Variants in ESR1 observed in about 807,000 individuals in gnomAD.
The protein encoded by ESR1 is estrogen receptor 1.
ESR1 carries 12 observed loss-of-function variants against 52.7 expected under a neutral mutation model. The ratio of observed to expected loss-of-function variants is 0.23; its 90% CI spans 0.15 to 0.37. The LOEUF is 0.37. Ranked by LOEUF, ESR1 falls within the 10% of genes least tolerant of loss-of-function variation. The pLI is 1.00. For synonymous variants in ESR1, 305 were observed against 316.8 expected (o/e 0.96, Z 0.39); for missense variants, 584 against 779.7 (o/e 0.75, Z 2.99).
At chr6:152,060,127 A>C (rs1024807252) in intron 5 of ESR1, among the ~76,000 whole-genome samples, 6 of 152,168 alleles carry the variant, frequency 3.9e-5, no homozygotes, top group African/African-American at 1.4e-4. Flanking sequence ...ATTCTTCAAC[A>C]ACCCAATAAA....
intron 4 of ESR1, among the ~76,000 whole-genome samples, chr6:151,961,595 GAGGAGGAC>G (rs1290607894): frequency 6.6e-6 from 1 of 152,154 alleles, no homozygotes; most frequent in Non-Finnish European, 1.5e-5. Context: ...TGTCCTCACA[GAGGAGGAC>G]AGGCAGGAAG....
chr6:151,984,546 A>G (rs1340473099), intron 4 of ESR1, among the ~76,000 whole-genome samples: 1 of 152,134 alleles, frequency 6.6e-6, no homozygotes, highest in Non-Finnish European at 1.5e-5. Flanking sequence ...GTTATTATAC[A>G]CTAGCTGTGT....
chr6:151,734,317 A>G (rs2128045015), intron 2 of ESR1, among the ~76,000 whole-genome samples: 1 of 152,310 alleles, frequency 6.6e-6, no homozygotes, highest in Non-Finnish European at 1.5e-5. Flanking sequence ...GTCAAGTTCC[A>G]TCTTCTTTGT....
In ESR1 at chr6:151,773,099, G is replaced by T. The variant is rs550457130; in HGVS notation, c.-70-34744G>T. ...ATGGAATTAAAACAAGGCCACTAGG[G>T]TTGGCCAGTCCTTTTTATAAGGAAT... On this transcript the variant is annotated intron_variant, in intron 2 of 2. Coordinates refer to the ESR1 transcript ENST00000404742. 3.9e-5 allele frequency among the ~76,000 whole-genome samples: 6 copies of T among 152,298 alleles called. No individual in the cohort carries two copies. In the East Asian group the frequency reaches 9.7e-4, roughly 25 times the overall value.
chr6:151,976,286 G>C (rs139314388), intron 4 of ESR1, among the ~76,000 whole-genome samples: 153 of 152,238 alleles, frequency 1.0e-3, no homozygotes, highest in Middle Eastern at 6.8e-3. Flanking sequence ...TTTCACCTAA[G>C]ACTCTGAGAT....
At chr6:151,756,347 A>G (rs1216291099) in intron 2 of ESR1, among the ~76,000 whole-genome samples, 1 of 152,214 alleles carries the variant, frequency 6.6e-6, no homozygotes, top group East Asian at 1.9e-4. Flanking sequence ...TCCTGGGTTC[A>G]AGCAATTCTC....
rs543512019 is a variant in ESR1, at chr6:152,039,012, T to C, written c.1236-21979T>C. On this transcript the variant is annotated intron_variant, in intron 5 of 7. Transcript: ENST00000206249. ...AATGAAGATATTGTCTTAGTACAAGTGTATACAGGCAGAAAGATGTTCTTA... is the reference window on the plus strand; with the variant it reads ...AATGAAGATATTGTCTTAGTACAAGCGTATACAGGCAGAAAGATGTTCTTA... Among the ~76,000 whole-genome samples, 4 of 152,338 alleles carry C rather than the reference T, an allele frequency of 2.6e-5. No homozygotes were observed. In the South Asian group the frequency reaches 6.2e-4, roughly 24 times the overall value.
chr6:151,997,894 A>G (rs2041630492), intron 4 of ESR1, among the ~76,000 whole-genome samples: 1 of 152,156 alleles, frequency 6.6e-6, no homozygotes, highest in Admixed American at 6.5e-5. Flanking sequence ...CAAGCCCAGG[A>G]AAGCCACGGG....
chr6:151,849,116 C>A (rs1386399800), intron 2 of ESR1, among the ~76,000 whole-genome samples: 1 of 152,072 alleles, frequency 6.6e-6, no homozygotes, highest in Non-Finnish European at 1.5e-5. Context: ...AGTAGTGTTA[C>A]CCTTCCACGA....
intron 1 of ESR1, among the ~76,000 whole-genome samples, chr6:151,660,592 G>A (rs527294777): frequency 1.3e-5 from 2 of 152,158 alleles, no homozygotes; most frequent in Non-Finnish European, 2.9e-5. Context: ...TTTGAAACAG[G>A]CAGAGGCAAA....
chr6:151,732,532 GTT>G (rs907676368), intron 2 of ESR1, among the ~76,000 whole-genome samples: 3 of 142,922 alleles, frequency 2.1e-5, no homozygotes, highest in Non-Finnish European at 3.0e-5. Flanking sequence ...ATGTGTGTGT[GTT>G]TGTGTGTGTG....
chr6:151,680,571 G>A (rs1009348577), intron 1 of ESR1, among the ~76,000 whole-genome samples: 5 of 152,248 alleles, frequency 3.3e-5, no homozygotes, highest in African/African-American at 1.2e-4. Context: ...TCTTTTATGA[G>A]AGCACTAATC....
chr6:151,884,618 C>A (rs1482133322), intron 3 of ESR1, among the ~76,000 whole-genome samples: 1 of 152,192 alleles, frequency 6.6e-6, no homozygotes, highest in Admixed American at 6.5e-5. Flanking sequence ...TCTCCATGAA[C>A]TAACAATTTT....
Position 151,808,425 on chromosome 6 carries a change from A to T in ESR1, c.452+61A>T. ...CGCGCCCGGCAGGAGGGAGGGAGGG[A>T]GGGAGGGAGAAGGGAGAGCCTAGGG... On this transcript the variant is annotated intron_variant, in intron 1 of 7. Transcript: ENST00000206249. 1.8e-5 allele frequency: 4 copies of T among 227,922 alleles called. No individual in the cohort carries two copies. In the East Asian group the frequency reaches 3.6e-4, roughly 21 times the overall value. 14.1% of individuals were successfully genotyped at this position (227,922 alleles called of 1,614,324 possible). A position where few individuals can be genotyped will look rare whatever the true frequency, so the allele number is the denominator to read the frequency against.
At position 152,100,768 on chromosome 6, in the gene ESR1, AG is replaced by A; in HGVS notation, c.*1805del. Reference sequence around the variant, plus strand: ...ATCACCAAAGGACTGAGAATCTGGGAGGGCAAAAAAAAAAAAAAAGTTTTTA... The same window carrying A: ...ATCACCAAAGGACTGAGAATCTGGGAGGCAAAAAAAAAAAAAAAGTTTTTA... On this transcript the variant is annotated 3_prime_UTR_variant, in exon 8 of 8. Coordinates refer to ENST00000206249, the MANE Select transcript of ESR1 (RefSeq NM_000125.4). 1 of 185,396 alleles carries A rather than the reference AG, an allele frequency of 5.4e-6. No homozygotes were observed. The highest frequency in any genetic ancestry group is 7.1e-5 in the East Asian group (1 of 14,040). 11.5% of individuals were successfully genotyped at this position (185,396 alleles called of 1,614,324 possible). A position where few individuals can be genotyped will look rare whatever the true frequency, so the allele number is the denominator to read the frequency against.
At chr6:152,086,416 A>G (rs946201581) in intron 6 of ESR1, among the ~76,000 whole-genome samples, 2 of 148,106 alleles carry the variant, frequency 1.4e-5, no homozygotes, top group Admixed American at 1.4e-4. Context: ...AATAATATTT[A>G]TTTTATTATT....
chr6:151,687,001 G>T (rs369903602), upstream of ESR1, among the ~76,000 whole-genome samples: 1 of 151,764 alleles, frequency 6.6e-6, no homozygotes, highest in Admixed American at 6.6e-5. Flanking sequence ...CTTGCTAGGA[G>T]GCTTTCCTTA....
At chr6:152,116,690 C>A (rs1282823851) in intron 6 of ESR1, among the ~76,000 whole-genome samples, 1 of 151,460 alleles carries the variant, frequency 6.6e-6, no homozygotes, top group Non-Finnish European at 1.5e-5. Flanking sequence ...CTTGAAGTAA[C>A]AAATATACTA....
intron 4 of ESR1, among the ~76,000 whole-genome samples, chr6:151,979,464 C>T (rs1014784788): frequency 6.6e-6 from 1 of 151,774 alleles, no homozygotes; most frequent in African/African-American, 2.4e-5. Flanking sequence ...TTTTAAAACT[C>T]AGTAAAATAA....
Sources: allele counts gnomAD v4.1 joint callset (sites outside exome capture counted in the v4.1 genomes callset), GRCh38; gene constraint gnomAD v4.1.1; transcripts MANE v1.5; gene names NCBI Gene and HGNC (gene_info 2026-07-23, HGNC 2026-07-21).